The following PTPRD variants were observed in gnomAD, a reference collection of about 807,000 sequenced individuals.
PTPRD encodes the protein receptor-type tyrosine-protein phosphatase delta.
In PTPRD, 34 loss-of-function variants were observed where a neutral mutation model predicts 214.5. The observed-to-expected ratio is 0.16, with a 90% CI of 0.12 to 0.21. The LOEUF (loss-of-function observed/expected upper bound fraction) is 0.21. PTPRD is among the 10% of genes least tolerant of loss of function. The pLI is 1.00. For missense variants in PTPRD, 2,545 were observed against 2,398.7 expected (o/e 1.06, Z -1.27); for synonymous variants, 1,128 against 845.7 (o/e 1.33, Z -5.79).
At chr9:10,520,831 A>G (rs566571119) in intron 2 of PTPRD, among the ~76,000 whole-genome samples, 7 of 152,154 alleles carry the variant, frequency 4.6e-5, no homozygotes, top group Non-Finnish European at 8.8e-5. Context: ...ATCTGTTTAC[A>G]GCACAGTAAA....
Position 8,919,320 on chromosome 9 carries a change from G to T in PTPRD, c.-104+99377C>A, listed in dbSNP as rs193149761. Among the ~76,000 whole-genome samples the T allele has an allele frequency of 4.9e-3, 746 of 151,792 alleles. 7 individuals carry two copies. The highest frequency in any genetic ancestry group is 0.017 in the African/African-American group (704 of 41,354). The stretch of plus-strand genomic sequence containing the variant: ...AGGCAGGAGAATCGCTTGAACCTGG[G>T]GGGTGGAGGTGCAGTGAGCCGAGGC... On this transcript the variant is annotated intron_variant, in intron 11 of 45. Coordinates refer to ENST00000381196, the MANE Select transcript of PTPRD (RefSeq NM_002839.4).
intron 10 of PTPRD, among the ~76,000 whole-genome samples, chr9:9,074,108 T>C (rs1356557561): frequency 6.6e-6 from 1 of 152,102 alleles, no homozygotes; most frequent in Non-Finnish European, 1.5e-5. Flanking sequence ...TATTTAGAGA[T>C]GAAAAAACTA....
intron 12 of PTPRD, among the ~76,000 whole-genome samples, chr9:8,677,064 A>G (rs1484983883): frequency 6.6e-6 from 1 of 152,250 alleles, no homozygotes; most frequent in Non-Finnish European, 1.5e-5. Flanking sequence ...GCATTTTTAA[A>G]TGGCTTGCAT....
At chr9:10,367,200 G>A (rs1225129111) in intron 2 of PTPRD, among the ~76,000 whole-genome samples, 1 of 151,954 alleles carries the variant, frequency 6.6e-6, no homozygotes, top group African/African-American at 2.4e-5. Context: ...TGACAAAAAT[G>A]TATTTAACTT....
intron 7 of PTPRD, among the ~76,000 whole-genome samples, chr9:9,655,872 G>C (rs962563840): frequency 5.3e-5 from 8 of 152,160 alleles, no homozygotes; most frequent in African/African-American, 1.9e-4. Context: ...GAGATACTCA[G>C]GAGACTGAGG....
intron 8 of PTPRD, among the ~76,000 whole-genome samples, chr9:9,559,629 G>T (rs1591581680): frequency 6.6e-6 from 1 of 152,186 alleles, no homozygotes; most frequent in Non-Finnish European, 1.5e-5. Flanking sequence ...TCATCAATAA[G>T]ACTATGACAT....
intron 8 of PTPRD, among the ~76,000 whole-genome samples, chr9:9,558,995 G>T (rs904835947): frequency 6.6e-6 from 1 of 152,136 alleles, no homozygotes. Context: ...CTAAGTAGGC[G>T]CCCCACATCA....
At chr9:8,791,265 G>A (rs1052749330) in intron 11 of PTPRD, among the ~76,000 whole-genome samples, 2 of 150,632 alleles carry the variant, frequency 1.3e-5, no homozygotes, top group African/African-American at 2.4e-5. Flanking sequence ...TCGCTCTGTT[G>A]CCCAGGCTGG....
intron 4 of PTPRD, among the ~76,000 whole-genome samples, chr9:9,960,064 A>T (rs931627547): frequency 2.0e-5 from 3 of 152,168 alleles, no homozygotes; most frequent in African/African-American, 7.2e-5. Flanking sequence ...ATTCTCTAAT[A>T]AAAAGAAATT....
At chr9:8,963,794 T>TGTAGAGATG (rs1425952851) in intron 11 of PTPRD, among the ~76,000 whole-genome samples, 1 of 151,900 alleles carries the variant, frequency 6.6e-6, no homozygotes, top group African/African-American at 2.4e-5. Flanking sequence ...AATTATTTTT[T>TGTAGAGATG]GTAGAGATGG....
chr9:10,269,459 C>A (rs2094296331), intron 3 of PTPRD, among the ~76,000 whole-genome samples: 1 of 151,816 alleles, frequency 6.6e-6, no homozygotes, highest in South Asian at 2.1e-4. Flanking sequence ...CATATTTGCC[C>A]TGTTCTGAGG....
chr9:10,418,733 C>T (rs1011663717), intron 2 of PTPRD, among the ~76,000 whole-genome samples: 2 of 151,188 alleles, frequency 1.3e-5, no homozygotes, highest in African/African-American at 4.9e-5. Context: ...ATAATAATTG[C>T]AGAAAAAGAG....
intron 2 of PTPRD, among the ~76,000 whole-genome samples, chr9:10,552,258 A>G (rs1590732825): frequency 6.6e-6 from 1 of 150,532 alleles, no homozygotes; most frequent in Non-Finnish European, 1.5e-5. Flanking sequence ...AAGCTTTTTT[A>G]TCTGTATTAA....
At chr9:8,729,923 G>A (rs1208759585) in intron 12 of PTPRD, among the ~76,000 whole-genome samples, 1 of 152,190 alleles carries the variant, frequency 6.6e-6, no homozygotes, top group African/African-American at 2.4e-5. Flanking sequence ...TACCAAAGGG[G>A]TTTGAGGAGG....
intron 8 of PTPRD, among the ~76,000 whole-genome samples, chr9:9,572,877 T>C (rs2086975232): frequency 6.6e-6 from 1 of 151,446 alleles, no homozygotes; most frequent in African/African-American, 2.4e-5. Flanking sequence ...CTGCTGAAGT[T>C]AGGATGAAAA....
At chr9:8,333,168 T>C (rs1245372727) in intron 43 of PTPRD, among the ~76,000 whole-genome samples, 3 of 152,132 alleles carry the variant, frequency 2.0e-5, no homozygotes, top group African/African-American at 4.8e-5. Flanking sequence ...TTTGGCCCCA[T>C]AAGTACTTTA....
At chr9:9,342,797 G>C (rs1040627656) in intron 9 of PTPRD, among the ~76,000 whole-genome samples, 8 of 151,832 alleles carry the variant, frequency 5.3e-5, no homozygotes, top group Non-Finnish European at 1.0e-4. Context: ...TGCCATGGTG[G>C]TTTGCTGCAC....
intron 3 of PTPRD, among the ~76,000 whole-genome samples, chr9:10,187,148 C>T (rs1288741898): frequency 6.6e-6 from 1 of 151,988 alleles, no homozygotes; most frequent in Admixed American, 6.6e-5. Context: ...AATTTGATTG[C>T]CTGATTTTTT....
intron 3 of PTPRD, among the ~76,000 whole-genome samples, chr9:10,311,179 G>C (rs1213311529): frequency 2.6e-5 from 4 of 151,870 alleles, no homozygotes; most frequent in African/African-American, 9.7e-5. Flanking sequence ...AAAAAACCTA[G>C]GAAGGTGCTG....
Sources: allele counts gnomAD v4.1 joint callset (sites outside exome capture counted in the v4.1 genomes callset), GRCh38; gene constraint gnomAD v4.1.1; transcripts MANE v1.5; gene names NCBI Gene and HGNC (gene_info 2026-07-23, HGNC 2026-07-21).